The following CDA variants were observed in gnomAD, a reference collection of about 807,000 sequenced individuals.
The protein encoded by CDA is cytidine deaminase, also known as cytidine aminohydrolase.
A neutral mutation model predicts 15.0 loss-of-function variants in CDA; 7 were observed. That is an observed-to-expected ratio of 0.47 (90% CI 0.26 to 0.87). The LOEUF (loss-of-function observed/expected upper bound fraction) is 0.87. CDA is among the 40% of genes least tolerant of loss of function. The pLI is 0.15. For missense variants in CDA, 159 were observed against 182.7 expected (o/e 0.87, Z 0.75); for synonymous variants, 58 against 73.0 (o/e 0.79, Z 1.05).
intron 2 of CDA, among the ~76,000 whole-genome samples, chr1:20,609,795 G>T (rs1300899177): frequency 1.3e-5 from 2 of 152,182 alleles, no homozygotes; most frequent in African/African-American, 4.8e-5. Flanking sequence ...GGCTGCAACA[G>T]CTGTCACCCA....
At chr1:20,607,893 G>A (rs1323255350) in intron 2 of CDA, among the ~76,000 whole-genome samples, 1 of 152,176 alleles carries the variant, frequency 6.6e-6, no homozygotes, top group Non-Finnish European at 1.5e-5. Context: ...CTTTAAGGAT[G>A]GAGACCGCAC....
chr1:20,604,494 T>C (rs185790240), intron 1 of CDA, among the ~76,000 whole-genome samples: 16 of 152,234 alleles, frequency 1.1e-4, no homozygotes, highest in African/African-American at 3.6e-4. Flanking sequence ...ATACCATCAC[T>C]TTGGGGGCTA....
chr1:20,601,955 C>CA (rs374561464), intron 1 of CDA, among the ~76,000 whole-genome samples: 1,982 of 151,842 alleles, frequency 0.013, 42 homozygotes, highest in African/African-American at 0.045. Flanking sequence ...CCCATCTCTA[C>CA]AAAAAAATAC....
intron 1 of CDA, among the ~76,000 whole-genome samples, chr1:20,592,209 G>T (rs1216229067): frequency 6.6e-6 from 1 of 152,084 alleles, no homozygotes; most frequent in Non-Finnish European, 1.5e-5. Context: ...AGATTCAGCT[G>T]GTATGCTGGT....
At position 20,618,758 on chromosome 1, in the gene CDA, C is replaced by T. The variant is rs79402462; in HGVS notation, c.*190C>T. 1.9e-4 allele frequency: 111 copies of T among 570,776 alleles called. No homozygotes were observed. Among genetic ancestry groups the T allele is most frequent in the African/African-American group, 1.8e-3 (82 of 46,708 alleles). 35.4% of individuals were successfully genotyped at this position (570,776 alleles called of 1,614,324 possible). A position where few individuals can be genotyped will look rare whatever the true frequency, so the allele number is the denominator to read the frequency against. ...CCTGCCTTGGGACTTAGAACACCGC[C>T]GCCCCCTGCCCCACCTTTCCTTTCC... On this transcript the variant is annotated 3_prime_UTR_variant, in exon 4 of 4. Transcript: ENST00000375071.
Position 20,618,715 on chromosome 1 carries a change from C to A in CDA, c.*147C>A. 1.5e-6 allele frequency: 1 copy of A among 679,180 alleles called. No individual in the cohort carries two copies. Among genetic ancestry groups the A allele is most frequent in the South Asian group, 1.5e-5 (1 of 65,840 alleles). The allele number at this position is 679,180 out of a possible 1,614,324, so 42.1% of individuals were successfully genotyped here. ...TTCCAGATTACACTCCAGCCTGAGT[C>A]AGCACCCCTCCTAGCAACCTGCCTT... On this transcript the variant is annotated 3_prime_UTR_variant, in exon 4 of 4. Transcript: ENST00000375071.
At chr1:20,600,739 G>A (rs1185200584) in intron 1 of CDA, among the ~76,000 whole-genome samples, 1 of 136,092 alleles carries the variant, frequency 7.3e-6, no homozygotes, top group Admixed American at 7.8e-5. Flanking sequence ...GCATGACAGA[G>A]TGAGACTCTG....
At chr1:20,615,827 C>T (rs1386100804) in intron 3 of CDA, among the ~76,000 whole-genome samples, 1 of 152,062 alleles carries the variant, frequency 6.6e-6, no homozygotes, top group Non-Finnish European at 1.5e-5. Context: ...ATAGTAAAAC[C>T]CGGTCCCTTC....
At chr1:20,603,580 GC>G (rs2052666793) in intron 1 of CDA, among the ~76,000 whole-genome samples, 1 of 152,168 alleles carries the variant, frequency 6.6e-6, no homozygotes, top group African/African-American at 2.4e-5. Context: ...GCATCATGTG[GC>G]CACACTGTGC....
At chr1:20,595,617 CA>C (rs2052585606) in intron 1 of CDA, among the ~76,000 whole-genome samples, 1 of 152,188 alleles carries the variant, frequency 6.6e-6, no homozygotes, top group Admixed American at 6.5e-5. Context: ...TCTCCACTGT[CA>C]CTCAAAAGTG....
At chr1:20,605,374 C>G (rs944151920) in intron 2 of CDA, among the ~76,000 whole-genome samples, 1 of 151,996 alleles carries the variant, frequency 6.6e-6, no homozygotes, top group Non-Finnish European at 1.5e-5. Flanking sequence ...GCGGGGGGAA[C>G]CTGAGCCAGG....
rs1430582285 is a variant in CDA at position 20,617,203 on chromosome 1, A to C, written c.325-1249A>C. On this transcript the variant is annotated intron_variant, in intron 3 of 3. Transcript: ENST00000375071. ...GCCCCAGAAAGTTATCATTTTCCCA[A>C]GGTCACACAGCAAACAAACAGTGCT... is the stretch of plus-strand genomic sequence containing the variant. 2.6e-5 allele frequency among the ~76,000 whole-genome samples: 4 copies of C among 152,316 alleles called. No homozygotes were observed. The South Asian group carries it at 6.2e-4, about 24-fold the overall frequency.
At chr1:20,616,234 C>A (rs1013847179) in intron 3 of CDA, among the ~76,000 whole-genome samples, 2 of 152,072 alleles carry the variant, frequency 1.3e-5, no homozygotes, top group Non-Finnish European at 2.9e-5. Flanking sequence ...GTAAGTTGGA[C>A]AAAATTATTT....
At chr1:20,590,715 C>T (rs181423969) in intron 1 of CDA, among the ~76,000 whole-genome samples, 1 of 152,292 alleles carries the variant, frequency 6.6e-6, no homozygotes, top group Admixed American at 6.5e-5. Context: ...ATCTTTGTGC[C>T]ATTGACTTTC....
intron 1 of CDA, among the ~76,000 whole-genome samples, chr1:20,596,561 T>C (rs1479790693): frequency 2.6e-5 from 4 of 152,036 alleles, no homozygotes; most frequent in Non-Finnish European, 4.4e-5. Flanking sequence ...CTAAAAAATA[T>C]AAAAATAAAT....
At chr1:20,615,840 A>G (rs1279911589) in intron 3 of CDA, among the ~76,000 whole-genome samples, 1 of 152,144 alleles carries the variant, frequency 6.6e-6, no homozygotes, top group East Asian at 1.9e-4. Context: ...GTCCCTTCAA[A>G]CAATTTAAAA....
intron 1 of CDA, among the ~76,000 whole-genome samples, chr1:20,591,010 C>G (rs2052543954): frequency 6.6e-6 from 1 of 152,130 alleles, no homozygotes; most frequent in African/African-American, 2.4e-5. Context: ...AGCCAGGGGA[C>G]CCCCATGCCA....
chr1:20,592,656 T>C (rs1276225740), intron 1 of CDA, among the ~76,000 whole-genome samples: 1 of 152,232 alleles, frequency 6.6e-6, no homozygotes, highest in Non-Finnish European at 1.5e-5. Flanking sequence ...GCACACTTCC[T>C]GGCCTATCAC....
At chr1:20,593,253 A>C (rs1358458653) in intron 1 of CDA, among the ~76,000 whole-genome samples, 1 of 152,194 alleles carries the variant, frequency 6.6e-6, no homozygotes, top group Admixed American at 6.6e-5. Context: ...GACCAGCAGC[A>C]GTATTCGAAG....
Sources: gnomAD v4.1 joint callset for allele counts (sites outside exome capture counted in the v4.1 genomes callset) on GRCh38, gnomAD v4.1.1 for gene constraint, MANE v1.5 for transcripts, NCBI Gene and HGNC (gene_info 2026-07-23, HGNC 2026-07-21) for gene names.